MUC5AC: variants seen among roughly 807,000 people sequenced by gnomAD.
MUC5AC encodes mucin-5AC.
Under a neutral mutation model 169.7 loss-of-function variants are expected in MUC5AC, and 158 were observed. The observed-to-expected ratio is 0.93, with a 90% CI of 0.82 to 1.06. MUC5AC has a LOEUF of 1.06. Ranked by LOEUF, MUC5AC falls within the 50% of genes least tolerant of loss-of-function variation. The probability of loss-of-function intolerance (pLI) is 0.00; values close to 1 mark genes in which losing one functional copy is unlikely to be tolerated. For missense variants in MUC5AC, 4,359 were observed against 3,089.9 expected, an observed-to-expected ratio of 1.41 and a Z score of -9.74; for synonymous variants, 1,975 against 1,237.0, an observed-to-expected ratio of 1.60 and a Z score of -12.52.
chr11:1,174,000 C>G (rs2133740604), intron 16 of MUC5AC, among the ~76,000 whole-genome samples: 1 of 152,216 alleles, frequency 6.6e-6, no homozygotes, highest in African/African-American at 2.4e-5. Flanking sequence ...CCTACTCATT[C>G]ACTCACTCAT....
At chr11:1,195,807 G>A (rs1002100976) in intron 36 of MUC5AC, 69 bp from the exon 37 acceptor site, 16 of 723,568 alleles carry the variant, frequency 2.2e-5, no homozygotes, top group Non-Finnish European at 3.3e-5. Context: ...CTGAAGCCTG[G>A]GAGCCTGACG....
Position 1,198,941 on chromosome 11 carries a change from C to T in MUC5AC, c.16241C>T (p.Ser5414Leu), listed in dbSNP as rs565629397. 5.9e-5 allele frequency: 45 copies of T among 762,826 alleles called. No homozygotes were observed. Among genetic ancestry groups the T allele is most frequent in the Admixed American group, 1.0e-4 (6 of 58,710 alleles). 47.3% of individuals were successfully genotyped at this position (762,826 alleles called of 1,614,324 possible). Reference sequence around the variant, plus strand: ...TGTGAGCTGCCGGGTGGCCCCCCATCGGACGCGTTTGTGGTCAGCTGTGAG... The same window carrying T: ...TGTGAGCTGCCGGGTGGCCCCCCATTGGACGCGTTTGTGGTCAGCTGTGAG... ...CRCELPGGPP[S>L]DAFVVSCETQ... The change falls in exon 44 of 49, where the codon TCG becomes TTG. Residue 5414 changes from serine (S) to leucine (L), a missense_variant. By Grantham distance (145) the Ser-to-Leu change is moderately radical. Coordinates refer to ENST00000621226, the MANE Select transcript of MUC5AC (RefSeq NM_001304359.2).
chr11:1,186,331 C>A lies in MUC5AC; in HGVS notation c.8186C>A (p.Thr2729Lys), dbSNP rs1293097605. The change falls in exon 31 of 49, where the codon ACA becomes AAA. Residue 2729 changes from threonine to lysine, a missense_variant. Coordinates refer to ENST00000621226, the MANE Select transcript of MUC5AC (RefSeq NM_001304359.2). The stretch of plus-strand genomic sequence containing the variant: ...ACAACCAGCACAATCTCGGCCCCAA[C>A]AACCAGCACAACCTCTGCCACTACA... The part of the protein sequence containing the change: ...APTTSTISAP[T>K]TSTTSATTTS... The A allele has an allele frequency of 4.2e-5, 30 of 720,390 alleles. No homozygotes were observed. The highest frequency in any genetic ancestry group is 7.1e-5 in the Non-Finnish European group (28 of 395,572). 44.6% of individuals were successfully genotyped at this position (720,390 alleles called of 1,614,324 possible).
chr11:1,174,579 C>T lies in MUC5AC; in HGVS notation c.2049C>T (p.Ala683=), dbSNP rs913669057. 2.3e-4 allele frequency: 350 copies of T among 1,496,400 alleles called. No homozygotes were observed. Among genetic ancestry groups the T allele is most frequent in the South Asian group, 9.9e-4 (82 of 82,816 alleles). 92.7% of individuals were successfully genotyped at this position (1,496,400 alleles called of 1,614,324 possible). ...TGTCCTCCTACGTGCACGCCTGTGC[C>T]GCCAAGGGCGTGCAGCTCGGCGGCT... ...AALSSYVHAC[A]AKGVQLGGWR... The change falls in exon 17 of 49, where the codon GCC becomes GCT. Residue 683 remains alanine (A), a synonymous_variant. Coordinates refer to ENST00000621226, the MANE Select transcript of MUC5AC (RefSeq NM_001304359.2).
Position 1,187,782 on chromosome 11 carries a change from A to G in MUC5AC, c.9637A>G (p.Thr3213Ala). The change falls in exon 31 of 49, where the codon ACC becomes GCC. Residue 3213 changes from threonine to alanine, a missense_variant. Transcript: ENST00000621226. ...STSHVSISKTTHSQPVTRDCH... is the reference protein window; with the variant it reads ...STSHVSISKTAHSQPVTRDCH... Reference sequence around the variant, plus strand: ...AAGCCATGTTTCCATATCCAAGACAACCCACTCCCAACCAGTCACCAGAGA... The same window carrying G: ...AAGCCATGTTTCCATATCCAAGACAGCCCACTCCCAACCAGTCACCAGAGA... 2 of 765,034 alleles carry G rather than the reference A, an allele frequency of 2.6e-6. No individual in the cohort carries two copies. The highest frequency in any genetic ancestry group is 1.3e-5 in the South Asian group (1 of 74,610). The allele number at this position is 765,034 out of a possible 1,614,324, so 47.4% of individuals were successfully genotyped here.
rs1431660216 is a variant in MUC5AC, at chr11:1,197,570, C to A, written c.15964C>A (p.Pro5322Thr). Residue 5322 changes from proline to threonine, a missense_variant, in exon 41 of 49, where the codon CCC becomes ACC. Coordinates refer to ENST00000621226, the MANE Select transcript of MUC5AC (RefSeq NM_001304359.2). ...GCTCTGCCCGCTGCCCCCTGCCTGC[C>A]CCCTGCCCGGCTTCGTGCCTGTGCC... ...PKLCPLPPAC[P>T]LPGFVPVPAA... The A allele has an allele frequency of 1.7e-5, 12 of 718,356 alleles. No homozygotes were observed. The highest frequency in any genetic ancestry group is 3.0e-5 in the Non-Finnish European group (12 of 395,176). 44.5% of individuals were successfully genotyped at this position (718,356 alleles called of 1,614,324 possible).
rs921569469 is a variant in MUC5AC, at chr11:1,182,233, C to T, written c.4088C>T (p.Thr1363Ile). Residue 1363 changes from threonine to isoleucine, a missense_variant, in exon 31 of 49, where the codon ACA (threonine) becomes ATA (isoleucine). Thr to Ile is a moderately conservative substitution (Grantham distance 89). Coordinates refer to ENST00000621226, the MANE Select transcript of MUC5AC (RefSeq NM_001304359.2). The part of the protein sequence containing the change: ...TGPPSSAWPT[T>I]AGTSPRTRLP... Reference sequence around the variant, plus strand: ...CCTCCGAGCAGCGCCTGGCCCACCACAGCAGGCACTTCTCCCAGGACGAGG... The same window carrying T: ...CCTCCGAGCAGCGCCTGGCCCACCATAGCAGGCACTTCTCCCAGGACGAGG... The T allele has an allele frequency of 2.5e-4, 98 of 398,540 alleles. No individual in the cohort carries two copies. Among genetic ancestry groups the T allele is most frequent in the Non-Finnish European group, 3.5e-5 (8 of 226,084 alleles). 24.7% of individuals were successfully genotyped at this position (398,540 alleles called of 1,614,324 possible). A position where few individuals can be genotyped will look rare whatever the true frequency, so the allele number is the denominator to read the frequency against.
Position 1,179,127 on chromosome 11 carries a change from C to T in MUC5AC, c.3363C>T (p.Asn1121=), listed in dbSNP as rs913798718. 41 of 636,434 alleles carry T rather than the reference C, an allele frequency of 6.4e-5. No individual in the cohort carries two copies. The highest frequency in any genetic ancestry group is 1.9e-4 in the Admixed American group (8 of 41,762). 39.4% of individuals were successfully genotyped at this position (636,434 alleles called of 1,614,324 possible). The change falls in exon 26 of 49, where the codon AAC becomes AAT. Residue 1121 remains asparagine (N), a synonymous_variant. Coordinates refer to ENST00000621226, the MANE Select transcript of MUC5AC (RefSeq NM_001304359.2). The part of the protein sequence containing the change: ...EPARYYEACV[N]DACACDSGGD... ...CCAGGTACTACGAGGCCTGCGTGAACGACGCGTGCGCCTGCGACTCCGGGG... is the reference window on the plus strand; with the variant it reads ...CCAGGTACTACGAGGCCTGCGTGAATGACGCGTGCGCCTGCGACTCCGGGG...
intron 30 of MUC5AC, 128 bp downstream of exon 30, chr11:1,181,587 G>A (rs1860816730): frequency 2.5e-6 from 1 of 397,696 alleles, no homozygotes; most frequent in Admixed American, 4.4e-5. Context: ...ATCAAGAAGG[G>A]ATCGAGGAGC....
Position 1,185,721 on chromosome 11 carries a change from T to C in MUC5AC, c.7576T>C (p.Ser2526Pro), listed in dbSNP as rs1353098865. The C allele has an allele frequency of 4.3e-5, 32 of 743,886 alleles. No homozygotes were observed. In the Admixed American group the frequency reaches 5.5e-4, roughly 13 times the overall value. The allele number at this position is 743,886 out of a possible 1,614,324, so 46.1% of individuals were successfully genotyped here. ...CTCTGCTTCTACAACCAGCACAACC[T>C]CTGGTGCTGGAACTACTCCCAGCCC... ...TTSASTTSTT[S>P]GAGTTPSPVP... The change falls in exon 31 of 49, where the codon TCT becomes CCT. Residue 2526 changes from serine to proline, a missense_variant. Physicochemically the swap from Ser to Pro is moderately conservative, Grantham distance 74. Coordinates refer to ENST00000621226, the MANE Select transcript of MUC5AC (RefSeq NM_001304359.2).
chr11:1,187,318 C>G lies in MUC5AC; in HGVS notation c.9173C>G (p.Thr3058Ser), dbSNP rs1860976976. 7.0e-6 allele frequency: 5 copies of G among 711,764 alleles called. No homozygotes were observed. 44.1% of individuals were successfully genotyped at this position (711,764 alleles called of 1,614,324 possible). Residue 3058 changes from threonine (T) to serine (S), a missense_variant, in exon 31 of 49, where the codon ACC becomes AGC. Transcript: ENST00000621226. ...ACCAGCACAACCTCGGCTTCTACCACCAGCATAACTTCTGGTCCTGGAACT... is the reference window on the plus strand; with the variant it reads ...ACCAGCACAACCTCGGCTTCTACCAGCAGCATAACTTCTGGTCCTGGAACT... ...PQTSTTSAST[T>S]SITSGPGTTP...
Position 1,181,261 on chromosome 11 carries a change from G to T in MUC5AC, c.3821-10G>T. ...AGCCTCTGACGGGCCTGGGCCCTCC[G>T]TCCCCATAGCCTGTGTCTGCACCTA... On this transcript the variant is annotated splice_polypyrimidine_tract_variant and intron_variant, in intron 29 of 48. Transcript: ENST00000621226. The T allele has an allele frequency of 2.5e-6, 1 of 398,432 alleles. No homozygotes were observed. The highest frequency in any genetic ancestry group is 4.4e-6 in the Non-Finnish European group (1 of 225,984). 24.7% of individuals were successfully genotyped at this position (398,432 alleles called of 1,614,324 possible).
chr11:1,190,816 C>T lies in MUC5AC; in HGVS notation c.12671C>T (p.Thr4224Ile), dbSNP rs1861071665. 2.7e-6 allele frequency: 2 copies of T among 732,462 alleles called. No homozygotes were observed. The highest frequency in any genetic ancestry group is 2.5e-5 in the East Asian group (1 of 39,412). 45.4% of individuals were successfully genotyped at this position (732,462 alleles called of 1,614,324 possible). A position where few individuals can be genotyped will look rare whatever the true frequency, so the allele number is the denominator to read the frequency against. The change falls in exon 31 of 49, where the codon ACT (threonine) becomes ATT (isoleucine). Residue 4224 changes from threonine to isoleucine, a missense_variant. Thr to Ile is a moderately conservative substitution (Grantham distance 89). Coordinates refer to ENST00000621226, the MANE Select transcript of MUC5AC (RefSeq NM_001304359.2). ...TSSTTSGSGT[T>I]PSPVPTTSTT... ...AGCACAACCTCCGGTTCTGGAACTA[C>T]TCCAAGCCCTGTTCCCACCACCAGC... is the stretch of plus-strand genomic sequence containing the variant.
At position 1,183,823 on chromosome 11, in the gene MUC5AC, C is replaced by A; in HGVS notation, c.5678C>A (p.Thr1893Lys). 2.4e-6 allele frequency: 1 copy of A among 418,058 alleles called. No individual in the cohort carries two copies. The highest frequency in any genetic ancestry group is 9.9e-5 in the South Asian group (1 of 10,092). 25.9% of individuals were successfully genotyped at this position (418,058 alleles called of 1,614,324 possible). A position where few individuals can be genotyped will look rare whatever the true frequency, so the allele number is the denominator to read the frequency against. ...SSTPGTVSLS[T>K]ARTTPAPGTA... ...ACACCTGGCACCGTGTCTCTCTCTACAGCCAGGACGACACCTGCCCCAGGT... is the reference window on the plus strand; with the variant it reads ...ACACCTGGCACCGTGTCTCTCTCTAAAGCCAGGACGACACCTGCCCCAGGT... Residue 1893 changes from threonine (T) to lysine (K), a missense_variant, in exon 31 of 49, where the codon ACA (threonine) becomes AAA (lysine). Coordinates refer to ENST00000621226, the MANE Select transcript of MUC5AC (RefSeq NM_001304359.2).
chr11:1,162,905 G>A (rs760134462), intron 5 of MUC5AC, 50 bp from the exon 6 acceptor site: 1 of 1,542,240 alleles, frequency 6.5e-7, no homozygotes, highest in Admixed American at 1.7e-5. Context: ...AGCCTCATCT[G>A]TCCATCTGCC....
At chr11:1,162,443 C>T (rs373250533) in intron 4 of MUC5AC, 89 bp from the exon 5 acceptor site, 10 of 1,220,006 alleles carry the variant, frequency 8.2e-6, no homozygotes, top group African/African-American at 4.5e-5. Context: ...TCACGATGAC[C>T]GTGTCACATT....
chr11:1,196,713 C>T lies in MUC5AC; in HGVS notation c.15822C>T (p.Gly5274=), dbSNP rs566886408. 1 of 756,712 alleles carries T rather than the reference C, an allele frequency of 1.3e-6. No individual in the cohort carries two copies. Among genetic ancestry groups the T allele is most frequent in the South Asian group, 1.4e-5 (1 of 73,144 alleles). The allele number at this position is 756,712 out of a possible 1,614,324, so 46.9% of individuals were successfully genotyped here. A position where few individuals can be genotyped will look rare whatever the true frequency, so the allele number is the denominator to read the frequency against. ...STSAQVCVPT[G]CPRCLGPHGE... Reference sequence around the variant, plus strand: ...GTGCCCAAGTCTGCGTGCCCACGGGCTGCCCCAGTACGTGCCCCAGGCCGG... The same window carrying T: ...GTGCCCAAGTCTGCGTGCCCACGGGTTGCCCCAGTACGTGCCCCAGGCCGG... The change falls in exon 39 of 49, where the codon GGC becomes GGT. Residue 5274 remains glycine (G), a synonymous_variant. Coordinates refer to ENST00000621226, the MANE Select transcript of MUC5AC (RefSeq NM_001304359.2).
chr11:1,197,466 A>G lies in MUC5AC; in HGVS notation c.15862-2A>G. ...GCTGGACCTCAGTCCCCTTCCTTGC[A>G]GGTGGGCCACACCGTCGGCATGGAC... On this transcript the variant is annotated splice_acceptor_variant, in intron 40 of 48. Coordinates refer to ENST00000621226, the MANE Select transcript of MUC5AC (RefSeq NM_001304359.2). LOFTEE classifies it high-confidence loss of function. 1 of 710,058 alleles carries G rather than the reference A, an allele frequency of 1.4e-6. No individual in the cohort carries two copies. The highest frequency in any genetic ancestry group is 2.6e-6 in the Non-Finnish European group (1 of 390,590). The allele number at this position is 710,058 out of a possible 1,614,324, so 44.0% of individuals were successfully genotyped here. A position where few individuals can be genotyped will look rare whatever the true frequency, so the allele number is the denominator to read the frequency against.
Position 1,174,874 on chromosome 11 carries a change from T to C in MUC5AC, c.2093-8T>C. 7.2e-6 allele frequency: 3 copies of C among 417,434 alleles called. No individual in the cohort carries two copies. The highest frequency in any genetic ancestry group is 1.3e-5 in the Non-Finnish European group (3 of 236,132). The allele number at this position is 417,434 out of a possible 1,614,324, so 25.9% of individuals were successfully genotyped here. A position where few individuals can be genotyped will look rare whatever the true frequency, so the allele number is the denominator to read the frequency against. On this transcript the variant is annotated splice_region_variant and splice_polypyrimidine_tract_variant and intron_variant, in intron 17 of 48. Coordinates refer to ENST00000621226, the MANE Select transcript of MUC5AC (RefSeq NM_001304359.2). Reference sequence around the variant, plus strand: ...TCCTGAGAATCCCCTCTTCCTGGCATCCCGCAGCGAAGCCTATGACCACTT... The same window carrying C: ...TCCTGAGAATCCCCTCTTCCTGGCACCCCGCAGCGAAGCCTATGACCACTT...
Sources: gnomAD v4.1 joint callset for allele counts (sites outside exome capture counted in the v4.1 genomes callset) on GRCh38, gnomAD v4.1.1 for gene constraint, MANE v1.5 for transcripts, NCBI Gene and HGNC (gene_info 2026-07-23, HGNC 2026-07-21) for gene names.